The following SV2B variants were observed in gnomAD, a reference collection of about 807,000 sequenced individuals.
The protein encoded by SV2B is synaptic vesicle glycoprotein 2B.
In SV2B, 41 loss-of-function variants were observed where a neutral mutation model predicts 73.9. The observed-to-expected ratio is 0.56, with a 90% CI of 0.43 to 0.72. The LOEUF (loss-of-function observed/expected upper bound fraction) is 0.72, where lower values mean the gene tolerates loss of function less well. Among genes scored for constraint, SV2B ranks in the 30% least tolerant of loss-of-function variants. The pLI is 0.00. For missense variants in SV2B, 764 were observed against 857.8 expected, an observed-to-expected ratio of 0.89 and a Z score of 1.37; for synonymous variants, 314 against 314.2, an observed-to-expected ratio of 1.00 and a Z score of 0.01.
chr15:91,203,956 T>G (rs748286916), intron 1 of SV2B, among the ~76,000 whole-genome samples: 8 of 152,150 alleles, frequency 5.3e-5, no homozygotes, highest in Middle Eastern at 3.2e-3. Context: ...CTTGCCTAGG[T>G]TCTCAATCAG....
At chr15:91,206,396 A>G (rs2892184) in intron 1 of SV2B, among the ~76,000 whole-genome samples, 23,609 of 152,018 alleles carry the variant, frequency 0.16, 2,263 homozygotes, top group African/African-American at 0.27. Flanking sequence ...TTCTCCATGT[A>G]TACAGCCATG....
rs1279563284 is a variant in SV2B, at chr15:91,283,209, C to T, written c.1508-812C>T. 2.0e-5 allele frequency among the ~76,000 whole-genome samples: 3 copies of T among 152,226 alleles called. No individual in the cohort carries two copies. The highest frequency in any genetic ancestry group is 2.9e-5 in the Non-Finnish European group (2 of 68,042). On this transcript the variant is annotated intron_variant, in intron 10 of 12. Coordinates refer to ENST00000394232, the MANE Select transcript of SV2B (RefSeq NM_001323032.3). The surrounding 1 kb of genome is among the most constrained non-coding windows in gnomAD (Gnocchi z 4.3). ...GCTGATCTTAGAAGGTGTCAGAAGA[C>T]TTGCAAACTGGTTCCAATGCAAATG...
chr15:91,279,081 A>C (rs902305892), intron 9 of SV2B, among the ~76,000 whole-genome samples: 2 of 152,204 alleles, frequency 1.3e-5, no homozygotes, highest in Non-Finnish European at 2.9e-5. Context: ...ACATGTCCTT[A>C]TCTTTGCTTA....
rs909381519 is a variant in SV2B at position 91,214,836 on chromosome 15, C to T, written c.-391-11037C>T. ...TGGCTATAGCCACAGTGGTTCTCCT[C>T]GTTCTTTCTGCTCCTCAATGCTGCC... On this transcript the variant is annotated intron_variant, in intron 1 of 12. Coordinates refer to ENST00000394232, the MANE Select transcript of SV2B (RefSeq NM_001323032.3). This position sits in a 1 kb window ranked among gnomAD's most constrained non-coding sequence, Gnocchi z 4.7. Among the ~76,000 whole-genome samples the T allele has an allele frequency of 2.0e-5, 3 of 152,206 alleles. No homozygotes were observed. Among genetic ancestry groups the T allele is most frequent in the Non-Finnish European group, 4.4e-5 (3 of 68,036 alleles).
rs558054616 is a variant in SV2B at position 91,270,707 on chromosome 15, C to T, written c.1373+2102C>T. Among the ~76,000 whole-genome samples the T allele has an allele frequency of 7.9e-5, 12 of 152,180 alleles. No individual in the cohort carries two copies. The South Asian group carries it at 1.5e-3, about 18-fold the overall frequency. On this transcript the variant is annotated intron_variant, in intron 9 of 12. Coordinates refer to ENST00000394232, the MANE Select transcript of SV2B (RefSeq NM_001323032.3). Reference sequence around the variant, plus strand: ...TCATTTTAACTTTGCTCAGCTTCTCCGGGCTTTCAGCAAACTGCTGGGTGG... The same window carrying T: ...TCATTTTAACTTTGCTCAGCTTCTCTGGGCTTTCAGCAAACTGCTGGGTGG...
intron 6 of SV2B, among the ~76,000 whole-genome samples, chr15:91,262,407 A>G (rs2047941000): frequency 6.6e-6 from 1 of 152,234 alleles, no homozygotes. Context: ...ATATTTTCTC[A>G]ATTCTAATGC....
At chr15:91,266,731 T>C (rs2048117714) in intron 7 of SV2B, 39 bp downstream of exon 7, 2 of 1,501,478 alleles carry the variant, frequency 1.3e-6, no homozygotes, top group Non-Finnish European at 1.8e-6. Context: ...GATGCGTCTC[T>C]ATGGGAGTCT....
rs539363970 is a variant in SV2B, at chr15:91,105,853, A to T, written c.-392+5490A>T. 6.6e-6 allele frequency among the ~76,000 whole-genome samples: 1 copy of T among 152,292 alleles called. No homozygotes were observed. Among genetic ancestry groups the T allele is most frequent in the South Asian group, 2.1e-4 (1 of 4,828 alleles). On this transcript the variant is annotated intron_variant, in intron 1 of 12. Transcript: ENST00000394232. This position sits in a 1 kb window ranked among gnomAD's most constrained non-coding sequence, Gnocchi z 5.5. The stretch of plus-strand genomic sequence containing the variant: ...CACTTGAGCTCAGGAGTTTGAGACC[A>T]GCCTGGACAACGTGGCAAAATCCCA...
At position 91,197,581 on chromosome 15, in the gene SV2B, A is replaced by C. The variant is rs2045297789; in HGVS notation, c.-391-28292A>C. ...AAACCAAACCAAACAAAACAAAACA[A>C]AATCACTGTAAAGACAAGAATGGAT... On this transcript the variant is annotated intron_variant, in intron 1 of 12. Coordinates refer to ENST00000394232, the MANE Select transcript of SV2B (RefSeq NM_001323032.3). This position sits in a 1 kb window ranked among gnomAD's most constrained non-coding sequence, Gnocchi z 4.9. Among the ~76,000 whole-genome samples the C allele has an allele frequency of 6.6e-6, 1 of 152,170 alleles. No individual in the cohort carries two copies. Among genetic ancestry groups the C allele is most frequent in the African/African-American group, 2.4e-5 (1 of 41,452 alleles).
rs543006559 is a variant in SV2B at position 91,231,132 on chromosome 15, C to T, written c.451+4418C>T. Reference sequence around the variant, plus strand: ...CTGGGTATGTAAAAAAAAAATCACCCGAAGAAATGATTAAACTTAGGAAGC... The same window carrying T: ...CTGGGTATGTAAAAAAAAAATCACCTGAAGAAATGATTAAACTTAGGAAGC... On this transcript the variant is annotated intron_variant, in intron 2 of 12. Transcript: ENST00000394232. The surrounding 1 kb of genome is among the most constrained non-coding windows in gnomAD (Gnocchi z 4.5). 1.1e-4 allele frequency among the ~76,000 whole-genome samples: 16 copies of T among 152,058 alleles called. No individual in the cohort carries two copies. The South Asian group carries it at 1.7e-3, about 16-fold the overall frequency.
rs982645153 is a variant in SV2B at position 91,265,535 on chromosome 15, G to A, written c.1009-1047G>A. 2.6e-5 allele frequency among the ~76,000 whole-genome samples: 4 copies of A among 152,188 alleles called. No homozygotes were observed. The highest frequency in any genetic ancestry group is 9.7e-5 in the African/African-American group (4 of 41,438). On this transcript the variant is annotated intron_variant, in intron 6 of 12. Coordinates refer to ENST00000394232, the MANE Select transcript of SV2B (RefSeq NM_001323032.3). The surrounding 1 kb of genome is among the most constrained non-coding windows in gnomAD (Gnocchi z 4.2). ...AGGATATCTTAAGGCTTTGGGGTGTGGTTTTTAAGGTGCTTCCTGAGTTGA... is the reference window on the plus strand; with the variant it reads ...AGGATATCTTAAGGCTTTGGGGTGTAGTTTTTAAGGTGCTTCCTGAGTTGA...
chr15:91,168,919 A>G (rs769211821), intron 1 of SV2B, among the ~76,000 whole-genome samples: 2 of 152,212 alleles, frequency 1.3e-5, no homozygotes, highest in African/African-American at 4.8e-5. Context: ...TTTTGATATT[A>G]CAGTGAAACA....
intron 1 of SV2B, among the ~76,000 whole-genome samples, chr15:91,211,233 G>A (rs1008467667): frequency 6.6e-6 from 1 of 152,174 alleles, no homozygotes; most frequent in African/African-American, 2.4e-5. Context: ...ATGGAGTGAA[G>A]GGCTCATTCC....
At chr15:91,212,843 T>G (rs1173722688) in intron 1 of SV2B, among the ~76,000 whole-genome samples, 1 of 150,236 alleles carries the variant, frequency 6.7e-6, no homozygotes, top group Non-Finnish European at 1.5e-5. Flanking sequence ...AAAAAGAAAG[T>G]GACTTTAAAA....
At chr15:91,142,803 T>C (rs561476960) in intron 1 of SV2B, among the ~76,000 whole-genome samples, 1 of 152,258 alleles carries the variant, frequency 6.6e-6, no homozygotes, top group Non-Finnish European at 1.5e-5. Flanking sequence ...CTTATACTTC[T>C]ACCATAGAGG....
At chr15:91,200,095 G>A (rs951505049) in intron 1 of SV2B, among the ~76,000 whole-genome samples, 2 of 152,172 alleles carry the variant, frequency 1.3e-5, no homozygotes, top group African/African-American at 4.8e-5. Flanking sequence ...ATACATTCAA[G>A]CCTCTCCTAT....
chr15:91,226,221 G>A lies in SV2B; in HGVS notation c.-43G>A. 1.9e-6 allele frequency: 3 copies of A among 1,593,724 alleles called. No individual in the cohort carries two copies. Among genetic ancestry groups the A allele is most frequent in the Non-Finnish European group, 2.6e-6 (3 of 1,163,348 alleles). The stretch of plus-strand genomic sequence containing the variant: ...GCCCAAACCTCTACCACAGAGCGAG[G>A]GATATAGCTCAAGGGGCAACCAGGC... On this transcript the variant is annotated 5_prime_UTR_variant, in exon 2 of 13. Transcript: ENST00000394232.
At chr15:91,208,983 A>G (rs1296227092) in intron 1 of SV2B, among the ~76,000 whole-genome samples, 3 of 152,172 alleles carry the variant, frequency 2.0e-5, no homozygotes, top group Non-Finnish European at 4.4e-5. Context: ...TTTATTTATT[A>G]TGTACCTGTC....
chr15:91,145,804 G>A (rs1249634025), intron 1 of SV2B, among the ~76,000 whole-genome samples: 1 of 152,094 alleles, frequency 6.6e-6, no homozygotes, highest in Non-Finnish European at 1.5e-5. Flanking sequence ...AAAAGTCTCT[G>A]TTGATGTCCT....
Sources: allele counts gnomAD v4.1 joint callset (sites outside exome capture counted in the v4.1 genomes callset), GRCh38; gene constraint gnomAD v4.1.1; non-coding constraint Gnocchi (gnomAD v3.1); transcripts MANE v1.5; gene names NCBI Gene and HGNC (gene_info 2026-07-23, HGNC 2026-07-21).